CHRNA1: variants seen among roughly 807,000 people sequenced by gnomAD.
CHRNA1 encodes acetylcholine receptor subunit alpha.
In CHRNA1, 35 loss-of-function variants were observed where a neutral mutation model predicts 47.1. The ratio of observed to expected loss-of-function variants is 0.74; its 90% CI spans 0.57 to 0.99. The LOEUF (loss-of-function observed/expected upper bound fraction) is 0.99, where lower values mean the gene tolerates loss of function less well. CHRNA1 is among the 50% of genes least tolerant of loss of function. CHRNA1 has a pLI of 0.00. For synonymous variants in CHRNA1, 229 were observed against 223.6 expected, an observed-to-expected ratio of 1.02 and a Z score of -0.22; for missense variants, 506 against 591.1, an observed-to-expected ratio of 0.86 and a Z score of 1.49.
At chr2:174,756,404 G>T (rs1383447377) in intron 4 of CHRNA1, among the ~76,000 whole-genome samples, 1 of 152,016 alleles carries the variant, frequency 6.6e-6, no homozygotes, top group Non-Finnish European at 1.5e-5. Context: ...TTTTTCCTTG[G>T]GCCTGAAGTG....
chr2:174,747,965 G>C lies in CHRNA1; in HGVS notation c.*159C>G, dbSNP rs1477575131. 9 of 923,002 alleles carry C rather than the reference G, an allele frequency of 9.8e-6. No homozygotes were observed. Among genetic ancestry groups the C allele is most frequent in the Admixed American group, 2.0e-5 (1 of 48,942 alleles). 57.2% of individuals were successfully genotyped at this position (923,002 alleles called of 1,614,324 possible). A position where few individuals can be genotyped will look rare whatever the true frequency, so the allele number is the denominator to read the frequency against. ...AGAAGCAATATGAAAACACTTCAAGGCCATAAACTTACATAAAGGTAAATC... is the reference window on the plus strand; with the variant it reads ...AGAAGCAATATGAAAACACTTCAAGCCCATAAACTTACATAAAGGTAAATC... On this transcript the variant is annotated 3_prime_UTR_variant, in exon 9 of 9. Coordinates refer to ENST00000348749, the MANE Select transcript of CHRNA1 (RefSeq NM_000079.4).
chr2:174,758,011 C>A, intron 3 of CHRNA1: 1 of 1,614,074 alleles, frequency 6.2e-7, no homozygotes, highest in Non-Finnish European at 8.5e-7. Flanking sequence ...GGCAGATCTA[C>A]CATGTCACCC....
At chr2:174,761,297 A>T (rs1260066246) in intron 1 of CHRNA1, among the ~76,000 whole-genome samples, 1 of 151,968 alleles carries the variant, frequency 6.6e-6, no homozygotes, top group African/African-American at 2.4e-5. Flanking sequence ...ACGTAACCAG[A>T]TCTCCCCTTT....
chr2:174,764,411 T>A lies in CHRNA1; in HGVS notation c.-17A>T. Reference sequence around the variant, plus strand: ...GGGCTCCATGGGCTACCGGAGCTTGTGTGGACCAGGGCAGAGTGGTGGCCT... The same window carrying A: ...GGGCTCCATGGGCTACCGGAGCTTGAGTGGACCAGGGCAGAGTGGTGGCCT... On this transcript the variant is annotated 5_prime_UTR_variant, in exon 1 of 9. Coordinates refer to ENST00000348749, the MANE Select transcript of CHRNA1 (RefSeq NM_000079.4). 2 of 1,611,290 alleles carry A rather than the reference T, an allele frequency of 1.2e-6. No homozygotes were observed. The highest frequency in any genetic ancestry group is 1.7e-6 in the Non-Finnish European group (2 of 1,178,730).
At position 174,748,810 on chromosome 2, in the gene CHRNA1, C is replaced by G. The variant is rs757178381; in HGVS notation, c.1012G>C (p.Asp338His). 2 of 1,613,806 alleles carry G rather than the reference C, an allele frequency of 1.2e-6. No homozygotes were observed. Among genetic ancestry groups the G allele is most frequent in the Non-Finnish European group, 1.7e-6 (2 of 1,179,978 alleles). ...AAAAACATGATATTTGGGATAGTGTCGATAAAAACCTAACATAAAAAAGAA... is the reference window on the plus strand; with the variant it reads ...AAAAACATGATATTTGGGATAGTGTGGATAAAAACCTAACATAAAAAAGAA... The part of the protein sequence containing the change: ...MPNWVRKVFI[D>H]TIPNIMFFST... The change falls in exon 8 of 9, where the codon GAC becomes CAC. Residue 338 changes from aspartate to histidine, a missense_variant. Asp to His is a moderately conservative substitution (Grantham distance 81). Coordinates refer to ENST00000348749, the MANE Select transcript of CHRNA1 (RefSeq NM_000079.4).
In CHRNA1 at chr2:174,747,881, T is replaced by C. The variant is rs1574001685; in HGVS notation, c.*243A>G. On this transcript the variant is annotated 3_prime_UTR_variant, in exon 9 of 9. Transcript: ENST00000348749. ...CACTGGAAATGAACACTTTTTTTAG[T>C]GATTAGTTTCATTTACTAAAGAGGG... is the stretch of plus-strand genomic sequence containing the variant. 1 of 486,346 alleles carries C rather than the reference T, an allele frequency of 2.1e-6. No individual in the cohort carries two copies. The highest frequency in any genetic ancestry group is 3.7e-6 in the Non-Finnish European group (1 of 269,834). The allele number at this position is 486,346 out of a possible 1,614,324, so 30.1% of individuals were successfully genotyped here. A position where few individuals can be genotyped will look rare whatever the true frequency, so the allele number is the denominator to read the frequency against.
chr2:174,761,080 C>T (rs1372552896), intron 1 of CHRNA1, among the ~76,000 whole-genome samples: 3 of 152,174 alleles, frequency 2.0e-5, no homozygotes, highest in Non-Finnish European at 4.4e-5. Context: ...TTGTGCTGAG[C>T]TTCTGGGCTA....
rs2105343839 is a variant in CHRNA1 at position 174,748,218 on chromosome 2, T to C, written c.1280A>G (p.Asp427Gly). 3 of 1,614,068 alleles carry C rather than the reference T, an allele frequency of 1.9e-6. No homozygotes were observed. The highest frequency in any genetic ancestry group is 4.5e-5 in the East Asian group (2 of 44,882). Residue 427 changes from aspartate (D) to glycine (G), a missense_variant, in exon 9 of 9, where the codon GAC becomes GGC. Transcript: ENST00000348749. The stretch of plus-strand genomic sequence containing the variant: ...CATGAAGACTCCGAGGAGTATGTGG[T>C]CCATCACCATTGCAACGTACTTCCA... ...AEWKYVAMVM[D>G]HILLGVFMLV... is the part of the protein sequence containing the mutation.
intron 5 of CHRNA1, among the ~76,000 whole-genome samples, chr2:174,754,006 CCATTA>C (rs1372742822): frequency 1.7e-4 from 26 of 152,208 alleles, no homozygotes; most frequent in Non-Finnish European, 2.6e-4. Context: ...CACCCCAGGC[CCATTA>C]CATCAGAATT....
chr2:174,762,632 G>A (rs1394078192), intron 1 of CHRNA1, among the ~76,000 whole-genome samples: 1 of 152,160 alleles, frequency 6.6e-6, no homozygotes, highest in African/African-American at 2.4e-5. Flanking sequence ...TAAGAAAGAC[G>A]GCAATGAAGT....
At chr2:174,751,828 G>GC (rs1048524586) in intron 6 of CHRNA1, among the ~76,000 whole-genome samples, 1 of 151,770 alleles carries the variant, frequency 6.6e-6, no homozygotes, top group African/African-American at 2.4e-5. Flanking sequence ...ACAGGCACGT[G>GC]CCACCACACC....
Position 174,750,107 on chromosome 2 carries a change from C to G in CHRNA1, c.841G>C (p.Val281Leu). 4 of 1,613,470 alleles carry G rather than the reference C, an allele frequency of 2.5e-6. No homozygotes were observed. The highest frequency in any genetic ancestry group is 1.7e-6 in the Non-Finnish European group (2 of 1,179,966). Residue 281 changes from valine (V) to leucine (L), a missense_variant, in exon 7 of 9, where the codon GTG (valine) becomes CTG (leucine). Val to Leu is a conservative substitution (Grantham distance 32). Transcript: ENST00000348749. The stretch of plus-strand genomic sequence containing the variant: ...CTGGACGTGGAGGGGATCAGCTCCA[C>G]GATGACCAGAAGGAACACAGTCAAA... Reference protein sequence around the residue: ...LSLTVFLLVIVELIPSTSSAV... With the variant: ...LSLTVFLLVILELIPSTSSAV...
At chr2:174,755,246 T>C (rs12997022) in intron 4 of CHRNA1, among the ~76,000 whole-genome samples, 111,942 of 151,778 alleles carry the variant, frequency 0.74, 44,327 homozygotes, top group East Asian at 0.93. Flanking sequence ...AACTCAGATA[T>C]CTCCAGGGCC....
At position 174,761,310 on chromosome 2, in the gene CHRNA1, G is replaced by T. The variant is rs181649588; in HGVS notation, c.44-1677C>A. Among the ~76,000 whole-genome samples, 6 of 152,186 alleles carry T rather than the reference G, an allele frequency of 3.9e-5. No individual in the cohort carries two copies. The South Asian group carries it at 6.2e-4, about 16-fold the overall frequency. ...TCACGTAACCAGATCTCCCCTTTCC[G>T]CAGGTTATTGCTGAGGCTGCAGTGC... On this transcript the variant is annotated intron_variant, in intron 1 of 8. Transcript: ENST00000348749.
chr2:174,755,674 T>C (rs1341208228), intron 4 of CHRNA1, among the ~76,000 whole-genome samples: 1 of 152,174 alleles, frequency 6.6e-6, no homozygotes, highest in Non-Finnish European at 1.5e-5. Flanking sequence ...CGCCTCAGCC[T>C]CCCAAAGTGC....
Position 174,748,768 on chromosome 2 carries a change from G to T in CHRNA1, c.1054C>A (p.Pro352Thr), listed in dbSNP as rs998479468. The T allele has an allele frequency of 2.5e-6, 4 of 1,614,166 alleles. No homozygotes were observed. Among genetic ancestry groups the T allele is most frequent in the Non-Finnish European group, 3.4e-6 (4 of 1,180,034 alleles). ...NIMFFSTMKR[P>T]SREKQDKKIF... is the part of the protein sequence containing the mutation. ...TTTTTGTCTTGCTTTTCTCTGGATG[G>T]TCTTTTCATTGTGGAGAAAAACATG... The change falls in exon 8 of 9, where the codon CCA becomes ACA. Residue 352 changes from proline to threonine, a missense_variant. Coordinates refer to ENST00000348749, the MANE Select transcript of CHRNA1 (RefSeq NM_000079.4).
intron 1 of CHRNA1, among the ~76,000 whole-genome samples, chr2:174,761,234 G>A (rs1429688125): frequency 1.3e-5 from 2 of 152,216 alleles, no homozygotes; most frequent in Admixed American, 1.3e-4. Flanking sequence ...GTTGGGGACT[G>A]TGTGTTCAGA....
At chr2:174,748,390 T>C in intron 8 of CHRNA1, 135 bp from the exon 9 acceptor site, 1 of 1,409,814 alleles carries the variant, frequency 7.1e-7, no homozygotes, top group Non-Finnish European at 9.6e-7. Flanking sequence ...TGGCATCGTC[T>C]TTATTTTTTG....
chr2:174,757,913 C>T (rs1285428209), intron 3 of CHRNA1: 1 of 1,290,334 alleles, frequency 7.7e-7, no homozygotes, highest in Admixed American at 1.8e-5. Context: ...TTAGTCCTCA[C>T]AACAATCCCG....
Sources: gnomAD v4.1 joint callset for allele counts (sites outside exome capture counted in the v4.1 genomes callset) on GRCh38, gnomAD v4.1.1 for gene constraint, MANE v1.5 for transcripts, NCBI Gene and HGNC (gene_info 2026-07-23, HGNC 2026-07-21) for gene names.